Variants in BRIP1 observed in about 807,000 individuals in gnomAD.
BRIP1 encodes the protein BRCA1 interacting DNA helicase 1.
BRIP1 carries 88 observed loss-of-function variants against 119.7 expected under a neutral mutation model. The ratio of observed to expected loss-of-function variants is 0.74; its 90% confidence interval spans 0.62 to 0.88. BRIP1 has a LOEUF of 0.88. Ranked by LOEUF, BRIP1 falls within the 40% of genes least tolerant of loss-of-function variation. BRIP1 has a pLI of 0.00. For synonymous variants in BRIP1, 443 were observed against 496.5 expected, an observed-to-expected ratio of 0.89 and a Z score of 1.43; for missense variants, 1,259 against 1,455.4, an observed-to-expected ratio of 0.87 and a Z score of 2.20.
At chr17:61,850,763 G>T (rs2078808390) in intron 4 of BRIP1, among the ~76,000 whole-genome samples, 1 of 151,912 alleles carries the variant, frequency 6.6e-6, no homozygotes, top group Admixed American at 6.6e-5. Flanking sequence ...GGGAGGCAGA[G>T]GTTGCAGTGA....
rs1221990797 is a variant in BRIP1, at chr17:61,767,244, G to T, written c.2097+9157C>A. ...CCATTAAATATAAGGGGGAAGAAAT[G>T]ACCACTAAAATGTATGGTTTGAAAA... On this transcript the variant is annotated intron_variant, in intron 14 of 19. Transcript: ENST00000259008. This position sits in a 1 kb window ranked among gnomAD's most constrained non-coding sequence, Gnocchi z 5.7. Among the ~76,000 whole-genome samples, 4 of 152,160 alleles carry T rather than the reference G, an allele frequency of 2.6e-5. No homozygotes were observed. The highest frequency in any genetic ancestry group is 4.1e-4 in the South Asian group (2 of 4,820).
At position 61,799,137 on chromosome 17, in the gene BRIP1, G is replaced by A. The variant is rs1060501758; in HGVS notation, c.1303C>T (p.His435Tyr). 4 of 1,613,546 alleles carry A rather than the reference G, an allele frequency of 2.5e-6. No individual in the cohort carries two copies. The highest frequency in any genetic ancestry group is 1.1e-5 in the South Asian group (1 of 91,060). The part of the protein sequence containing the change: ...MVNNNIRKKD[H>Y]EPLRAVCCSL... Reference sequence around the variant, plus strand: ...CAGCACACAGCTCGTAGGGGTTCATGATCTTTCTTCCTTATATTATTGTTG... The same window carrying A: ...CAGCACACAGCTCGTAGGGGTTCATAATCTTTCTTCCTTATATTATTGTTG... Residue 435 changes from histidine to tyrosine, a missense_variant, in exon 9 of 20, where the codon CAT (histidine) becomes TAT (tyrosine). Transcript: ENST00000259008. This position sits in a 1 kb window ranked among gnomAD's most constrained non-coding sequence, Gnocchi z 5.1.
intron 18 of BRIP1, among the ~76,000 whole-genome samples, chr17:61,692,043 T>C (rs2061455115): frequency 6.6e-6 from 1 of 152,220 alleles, no homozygotes; most frequent in Non-Finnish European, 1.5e-5. Flanking sequence ...TGTTGAAATG[T>C]GTTCCCCCAT....
In BRIP1 at chr17:61,780,170, G is replaced by T. The variant is rs2145070693; in HGVS notation, c.1935+91C>A. ...TTGAATTTCCTACCAAGATTTACTT[G>T]CTGGCACTTCAGGTATCTTCTAACT... On this transcript the variant is annotated intron_variant, in intron 13 of 19. Coordinates refer to ENST00000259008, the MANE Select transcript of BRIP1 (RefSeq NM_032043.3). This position sits in a 1 kb window ranked among gnomAD's most constrained non-coding sequence, Gnocchi z 5.4. 7.4e-7 allele frequency: 1 copy of T among 1,344,656 alleles called. No homozygotes were observed. The highest frequency in any genetic ancestry group is 1.3e-5 in the South Asian group (1 of 79,434). The allele number at this position is 1,344,656 out of a possible 1,614,324, so 83.3% of individuals were successfully genotyped here. A position where few individuals can be genotyped will look rare whatever the true frequency, so the allele number is the denominator to read the frequency against.
rs892740727 is a variant in BRIP1, at chr17:61,759,072, C to G, written c.2098-14481G>C. The stretch of plus-strand genomic sequence containing the variant: ...AGTAATAACTCTTTACCTTTCAATA[C>G]CTACCTTGAATGTAAATGAATTACA... On this transcript the variant is annotated intron_variant, in intron 14 of 19. Transcript: ENST00000259008. This position sits in a 1 kb window ranked among gnomAD's most constrained non-coding sequence, Gnocchi z 4.9. 6.6e-6 allele frequency among the ~76,000 whole-genome samples: 1 copy of G among 150,890 alleles called. No homozygotes were observed. Among genetic ancestry groups the G allele is most frequent in the Admixed American group, 6.6e-5 (1 of 15,114 alleles).
At chr17:61,698,606 A>T (rs2144237764) in intron 17 of BRIP1, among the ~76,000 whole-genome samples, 1 of 152,284 alleles carries the variant, frequency 6.6e-6, no homozygotes, top group South Asian at 2.1e-4. Flanking sequence ...TCCAAGTATT[A>T]CTAAATTATT....
chr17:61,850,551 G>GCA (rs1231393558), intron 4 of BRIP1, among the ~76,000 whole-genome samples: 1 of 152,078 alleles, frequency 6.6e-6, no homozygotes, highest in Non-Finnish European at 1.5e-5. Flanking sequence ...TTTGAGGCCG[G>GCA]CCCCAGTGGC....
Position 61,796,130 on chromosome 17 carries a change from G to A in BRIP1, c.1341-2401C>T, listed in dbSNP as rs2077895542. Among the ~76,000 whole-genome samples, 1 of 152,002 alleles carries A rather than the reference G, an allele frequency of 6.6e-6. No individual in the cohort carries two copies. The highest frequency in any genetic ancestry group is 1.5e-5 in the Non-Finnish European group (1 of 67,958). On this transcript the variant is annotated intron_variant, in intron 9 of 19. Coordinates refer to ENST00000259008, the MANE Select transcript of BRIP1 (RefSeq NM_032043.3). The surrounding 1 kb of genome is among the most constrained non-coding windows in gnomAD (Gnocchi z 4.8). ...GATTTTTTCCTACAGAGTTGTTTGA[G>A]CTCCTTATATATTCTGGTTATTAAT...
In BRIP1 at chr17:61,844,459, G is replaced by A. The variant is rs376448563; in HGVS notation, c.627+2642C>T. On this transcript the variant is annotated intron_variant, in intron 6 of 19. Transcript: ENST00000259008. This position sits in a 1 kb window ranked among gnomAD's most constrained non-coding sequence, Gnocchi z 4.7. The stretch of plus-strand genomic sequence containing the variant: ...TAAAAAATTAGCTGGGCATGGTGTT[G>A]CACAGCTGTAGTCCTTGCTATTCAG... Among the ~76,000 whole-genome samples the A allele has an allele frequency of 6.6e-6, 1 of 152,262 alleles. No individual in the cohort carries two copies. The highest frequency in any genetic ancestry group is 1.9e-4 in the East Asian group (1 of 5,162).
chr17:61,861,807 G>A lies in BRIP1; in HGVS notation c.-30-238C>T, dbSNP rs548972001. 1.9e-6 allele frequency: 1 copy of A among 521,476 alleles called. No individual in the cohort carries two copies. Among genetic ancestry groups the A allele is most frequent in the Non-Finnish European group, 3.5e-6 (1 of 289,796 alleles). The allele number at this position is 521,476 out of a possible 1,614,324, so 32.3% of individuals were successfully genotyped here. A position where few individuals can be genotyped will look rare whatever the true frequency, so the allele number is the denominator to read the frequency against. ...TGCCAGGTATTAGTTGTGTGACTTC[G>A]GGAAAGTTAGTTACCTTCTCTAAGC... On this transcript the variant is annotated intron_variant, in intron 1 of 19. Coordinates refer to ENST00000259008, the MANE Select transcript of BRIP1 (RefSeq NM_032043.3). The surrounding 1 kb of genome is among the most constrained non-coding windows in gnomAD (Gnocchi z 4.5).
In BRIP1 at chr17:61,823,832, G is replaced by GA. The variant is rs1159199968; in HGVS notation, c.628-15076dup. 6.9e-6 allele frequency among the ~76,000 whole-genome samples: 1 copy of GA among 145,628 alleles called. No individual in the cohort carries two copies. Among genetic ancestry groups the GA allele is most frequent in the Non-Finnish European group, 1.5e-5 (1 of 66,334 alleles). On this transcript the variant is annotated intron_variant, in intron 6 of 19. Coordinates refer to ENST00000259008, the MANE Select transcript of BRIP1 (RefSeq NM_032043.3). The surrounding 1 kb of genome is among the most constrained non-coding windows in gnomAD (Gnocchi z 4.8). ...ATTGCTGAAAGCAGAGATAAAAATAGAATTTTTTTTTTTGAGACGGAGTTT... is the reference window on the plus strand; with the variant it reads ...ATTGCTGAAAGCAGAGATAAAAATAGAAATTTTTTTTTTTGAGACGGAGTTT...
At position 61,753,923 on chromosome 17, in the gene BRIP1, C is replaced by T. The variant is rs1391508382; in HGVS notation, c.2098-9332G>A. On this transcript the variant is annotated intron_variant, in intron 14 of 19. Coordinates refer to ENST00000259008, the MANE Select transcript of BRIP1 (RefSeq NM_032043.3). This position sits in a 1 kb window ranked among gnomAD's most constrained non-coding sequence, Gnocchi z 4.6. The stretch of plus-strand genomic sequence containing the variant: ...CACCACACCCAGCCCCTCATCTCTA[C>T]TACTGCTCATCCAATTCATCAGCAA... Among the ~76,000 whole-genome samples, 1 of 152,176 alleles carries T rather than the reference C, an allele frequency of 6.6e-6. No individual in the cohort carries two copies. The highest frequency in any genetic ancestry group is 1.9e-4 in the East Asian group (1 of 5,194).
Position 61,849,121 on chromosome 17 carries a change from CTG to C in BRIP1, c.507+6_507+7del, listed in dbSNP as rs2078776772. ...CTGGGTTATTTACTGCCAATAAACT[CTG>C]TTTACCTGCTGTGTAGTTTCTAAGG... is the stretch of plus-strand genomic sequence containing the variant. On this transcript the variant is annotated splice_donor_region_variant and intron_variant, in intron 5 of 19. Coordinates refer to ENST00000259008, the MANE Select transcript of BRIP1 (RefSeq NM_032043.3). The C allele has an allele frequency of 6.2e-7, 1 of 1,613,468 alleles. No homozygotes were observed. Among genetic ancestry groups the C allele is most frequent in the Non-Finnish European group, 8.5e-7 (1 of 1,179,658 alleles).
chr17:61,798,006 A>G lies in BRIP1; in HGVS notation c.1340+1094T>C, dbSNP rs2145287191. ...TTAGCTATATCTATTGAAATTACAA[A>G]TATGTCTATGCTTTCACCCAACAAT... is the stretch of plus-strand genomic sequence containing the variant. On this transcript the variant is annotated intron_variant, in intron 9 of 19. Transcript: ENST00000259008. This position sits in a 1 kb window ranked among gnomAD's most constrained non-coding sequence, Gnocchi z 5.5. Among the ~76,000 whole-genome samples, 1 of 152,110 alleles carries G rather than the reference A, an allele frequency of 6.6e-6. No individual in the cohort carries two copies. Among genetic ancestry groups the G allele is most frequent in the African/African-American group, 2.4e-5 (1 of 41,548 alleles).
rs901426319 is a variant in BRIP1 at position 61,687,968 on chromosome 17, A to T, written c.2576-1803T>A. Among the ~76,000 whole-genome samples, 1 of 152,140 alleles carries T rather than the reference A, an allele frequency of 6.6e-6. No homozygotes were observed. The highest frequency in any genetic ancestry group is 1.5e-5 in the Non-Finnish European group (1 of 68,020). On this transcript the variant is annotated intron_variant, in intron 18 of 19. Transcript: ENST00000259008. This position sits in a 1 kb window ranked among gnomAD's most constrained non-coding sequence, Gnocchi z 5.1. ...CATGCCCAGGGGCCACTAAGAACAA[A>T]AGCGCTGTGCAGCAAGTTTCTGCTC...
At chr17:61,811,369 G>GTCC (rs2078159029) in intron 6 of BRIP1, among the ~76,000 whole-genome samples, 1 of 151,658 alleles carries the variant, frequency 6.6e-6, no homozygotes, top group Non-Finnish European at 1.5e-5. Context: ...GATTACAGGC[G>GTCC]TCCACCACCA....
chr17:61,855,766 C>T (rs550594901), intron 4 of BRIP1, among the ~76,000 whole-genome samples: 1 of 152,158 alleles, frequency 6.6e-6, no homozygotes, highest in Non-Finnish European at 1.5e-5. Flanking sequence ...ATGCCAGGCA[C>T]CCTGCTAGAG....
At chr17:61,788,633 C>T (rs1324274337) in intron 10 of BRIP1, among the ~76,000 whole-genome samples, 4 of 152,066 alleles carry the variant, frequency 2.6e-5, no homozygotes, top group Admixed American at 2.6e-4. Context: ...GGAACACAAT[C>T]AAGTCCAGAT....
In BRIP1 at chr17:61,827,861, C is replaced by T. The variant is rs907509871; in HGVS notation, c.628-19104G>A. ...ATCAAAAACACAAGATACCACTTCACACCCTTAAAAATGGCTATTCTTTAA... is the reference window on the plus strand; with the variant it reads ...ATCAAAAACACAAGATACCACTTCATACCCTTAAAAATGGCTATTCTTTAA... On this transcript the variant is annotated intron_variant, in intron 6 of 19. Transcript: ENST00000259008. This position sits in a 1 kb window ranked among gnomAD's most constrained non-coding sequence, Gnocchi z 5.8. Among the ~76,000 whole-genome samples, 3 of 152,194 alleles carry T rather than the reference C, an allele frequency of 2.0e-5. No individual in the cohort carries two copies. Among genetic ancestry groups the T allele is most frequent in the Non-Finnish European group, 4.4e-5 (3 of 68,040 alleles).
Sources: allele counts gnomAD v4.1 joint callset (sites outside exome capture counted in the v4.1 genomes callset), GRCh38; gene constraint gnomAD v4.1.1; non-coding constraint Gnocchi (gnomAD v3.1); transcripts MANE v1.5; gene names NCBI Gene and HGNC (gene_info 2026-07-23, HGNC 2026-07-21).